The following SCAF11 variants were observed in gnomAD, a reference collection of about 807,000 sequenced individuals.
The protein encoded by SCAF11 is protein SCAF11.
In SCAF11, 47 loss-of-function variants were observed where a neutral mutation model predicts 140.5. The ratio of observed to expected loss-of-function variants is 0.33; its 90% CI spans 0.26 to 0.43. The LOEUF (loss-of-function observed/expected upper bound fraction) is 0.43, where lower values mean the gene tolerates loss of function less well. SCAF11 is among the 20% of genes least tolerant of loss of function. SCAF11 has a pLI of 1.00. For synonymous variants in SCAF11, 557 were observed against 579.4 expected, an observed-to-expected ratio of 0.96 and a Z score of 0.55; for missense variants, 1,645 against 1,705.1, an observed-to-expected ratio of 0.96 and a Z score of 0.62.
chr12:45,946,542 T>C (rs1016515913), intron 5 of SCAF11, among the ~76,000 whole-genome samples: 18 of 152,176 alleles, frequency 1.2e-4, no homozygotes, highest in African/African-American at 4.1e-4. Context: ...CGACTTTTGC[T>C]ATGTTAGACT....
At chr12:45,936,511 T>G (rs1326688054) in intron 6 of SCAF11, among the ~76,000 whole-genome samples, 1 of 152,160 alleles carries the variant, frequency 6.6e-6, no homozygotes, top group Non-Finnish European at 1.5e-5. Flanking sequence ...TTCCTTATTA[T>G]CCATCATTAA....
rs1435675179 is a variant in SCAF11, at chr12:45,920,812, TTAGA to T, written c.*1232_*1235del. ...AAGTGTGAAAATATTTCATCAGTGA[TTAGA>T]TAAACAACAACTTTACGCCAGTGCC... On this transcript the variant is annotated 3_prime_UTR_variant, in exon 15 of 15. Transcript: ENST00000369367. 2 of 152,482 alleles carry T rather than the reference TTAGA, an allele frequency of 1.3e-5. No homozygotes were observed. Among genetic ancestry groups the T allele is most frequent in the African/African-American group, 4.8e-5 (2 of 41,420 alleles). The allele number at this position is 152,482 out of a possible 1,614,324, so 9.4% of individuals were successfully genotyped here.
chr12:45,948,295 C>T (rs1444343339), intron 5 of SCAF11, 142 bp downstream of exon 5: 1 of 581,646 alleles, frequency 1.7e-6, no homozygotes, highest in Non-Finnish European at 3.0e-6. Flanking sequence ...TTCAGCTAGT[C>T]CCTCCTTAAA....
rs1394840982 is a variant in SCAF11, at chr12:45,927,484, A to G, written c.2217T>C (p.Ala739=). The G allele has an allele frequency of 6.2e-7, 1 of 1,613,792 alleles. No homozygotes were observed. The highest frequency in any genetic ancestry group is 1.7e-5 in the Admixed American group (1 of 59,992). ...NESEVEPSVN[A]DLKQMNENSV... is the part of the protein sequence containing the mutation. ...AATTTTCATTCATTTGTTTAAGATC[A>G]GCATTTACAGATGGTTCAACTTCAG... is the stretch of plus-strand genomic sequence containing the variant. The change falls in exon 11 of 15, where the codon GCT becomes GCC. Residue 739 remains alanine (A), a synonymous_variant. Coordinates refer to ENST00000369367, the MANE Select transcript of SCAF11 (RefSeq NM_004719.3).
At chr12:45,963,649 A>G (rs1945874770) in intron 2 of SCAF11, among the ~76,000 whole-genome samples, 1 of 152,174 alleles carries the variant, frequency 6.6e-6, no homozygotes, top group Non-Finnish European at 1.5e-5. Context: ...TGCATAAAAC[A>G]TCATCTAACT....
At chr12:45,964,257 C>T (rs2136619615) in intron 1 of SCAF11, 69 bp from the exon 2 acceptor site, 1 of 751,916 alleles carries the variant, frequency 1.3e-6, no homozygotes. Flanking sequence ...AAAAAAAAAT[C>T]CTAAACTGTA....
intron 10 of SCAF11, chr12:45,930,965 C>T (rs923315864): frequency 9.2e-5 from 14 of 152,088 alleles, no homozygotes; most frequent in African/African-American, 3.1e-4. Flanking sequence ...CAGTTAAAAC[C>T]TATGTTGTTC....
chr12:45,977,231 G>T lies in SCAF11; in HGVS notation c.-21-13043C>A, dbSNP rs1399265520. On this transcript the variant is annotated intron_variant, in intron 1 of 14. Transcript: ENST00000369367. ...GCTCCTCATCAAAACAAAAACTATG[G>T]TACATTCAATCATATAATGAAATAC... 2.0e-5 allele frequency among the ~76,000 whole-genome samples: 3 copies of T among 152,048 alleles called. No individual in the cohort carries two copies. In the East Asian group the frequency reaches 5.8e-4, roughly 29 times the overall value.
chr12:45,933,692 G>A (rs1410554816), intron 8 of SCAF11, among the ~76,000 whole-genome samples: 2 of 152,132 alleles, frequency 1.3e-5, no homozygotes, highest in Non-Finnish European at 2.9e-5. Context: ...ACCTTGCCAA[G>A]TTCTAAAATT....
At position 45,952,077 on chromosome 12, in the gene SCAF11, C is replaced by T. The variant is rs140152169; in HGVS notation, c.220-350G>A. Among the ~76,000 whole-genome samples, 51 of 152,120 alleles carry T rather than the reference C, an allele frequency of 3.4e-4. 1 individual carries two copies. The highest frequency in any genetic ancestry group is 1.2e-3 in the African/African-American group (50 of 41,490). The stretch of plus-strand genomic sequence containing the variant: ...AAACTTGGGCCACTCCAAATGGCTC[C>T]GAAAGGTTCCTCACAAATTTTAATA... On this transcript the variant is annotated intron_variant, in intron 3 of 14. Transcript: ENST00000369367.
chr12:45,934,543 T>C, intron 6 of SCAF11, 38 bp from the exon 7 acceptor site: 1 of 1,395,046 alleles, frequency 7.2e-7, no homozygotes, highest in South Asian at 1.5e-5. Context: ...TACCTTGTAT[T>C]AATTTTTATT....
intron 2 of SCAF11, among the ~76,000 whole-genome samples, chr12:45,963,504 T>C (rs540165005): frequency 6.6e-6 from 1 of 152,278 alleles, no homozygotes; most frequent in East Asian, 1.9e-4. Flanking sequence ...AAAACTATCT[T>C]TGAATAGTTT....
intron 4 of SCAF11, among the ~76,000 whole-genome samples, chr12:45,949,232 A>G (rs979637427): frequency 1.3e-5 from 2 of 152,188 alleles, no homozygotes; most frequent in African/African-American, 4.8e-5. Flanking sequence ...ATGCTGTCCA[A>G]GACAACAGTC....
At chr12:45,964,251 A>C in intron 1 of SCAF11, 63 bp from the exon 2 acceptor site, 1 of 774,606 alleles carries the variant, frequency 1.3e-6, no homozygotes, top group East Asian at 2.7e-5. Flanking sequence ...TCAATTAAAA[A>C]AAAATCCTAA....
At chr12:45,961,102 A>G in intron 3 of SCAF11, 1 of 517,480 alleles carries the variant, frequency 1.9e-6, no homozygotes, top group Non-Finnish European at 3.5e-6. Context: ...TAATATCTCT[A>G]ATTCAGACTC....
rs757945577 is a variant in SCAF11 at position 45,933,143 on chromosome 12, G to T, written c.722C>A (p.Pro241His). The T allele has an allele frequency of 1.9e-6, 3 of 1,607,342 alleles. No individual in the cohort carries two copies. The highest frequency in any genetic ancestry group is 2.7e-5 in the African/African-American group (2 of 74,748). ...LELSWFPDTLPGIGRIGFIPW... is the reference protein window; with the variant it reads ...LELSWFPDTLHGIGRIGFIPW... ...TTTTTATTTTTACCTTCCAATTCCAGGTAATGTATCAGGAAACCATGACAA... is the reference window on the plus strand; with the variant it reads ...TTTTTATTTTTACCTTCCAATTCCATGTAATGTATCAGGAAACCATGACAA... The change falls in exon 9 of 15, where the codon CCT (proline) becomes CAT (histidine). Residue 241 changes from proline to histidine, a missense_variant. By Grantham distance (77) the Pro-to-His change is moderately conservative. This residue lies in a region of SCAF11 where 1,582 missense variants were observed against 1,609.2 expected (regional missense o/e 0.98). Transcript: ENST00000369367.
upstream of SCAF11, among the ~76,000 whole-genome samples, chr12:45,990,946 C>T (rs992102482): frequency 6.6e-6 from 1 of 152,240 alleles, no homozygotes; most frequent in Non-Finnish European, 1.5e-5. Flanking sequence ...CTCTGCCCTC[C>T]TTTGGCAGTT....
chr12:45,947,604 G>C (rs796505793), intron 5 of SCAF11, among the ~76,000 whole-genome samples: 1 of 152,184 alleles, frequency 6.6e-6, no homozygotes, highest in Non-Finnish European at 1.5e-5. Context: ...AGTGTGGTAT[G>C]AGCACCAATG....
At chr12:45,948,615 T>C (rs961705516) in intron 4 of SCAF11, 78 bp from the exon 5 acceptor site, 1 of 871,732 alleles carries the variant, frequency 1.1e-6, no homozygotes, top group Admixed American at 2.5e-5. Context: ...TTGAAATGAT[T>C]AAAATTACAG....
Sources: gnomAD v4.1 joint callset for allele counts (sites outside exome capture counted in the v4.1 genomes callset) on GRCh38, gnomAD v4.1.1 for gene constraint, gnomAD v4.1.1 regional missense constraint, MANE v1.5 for transcripts, NCBI Gene and HGNC (gene_info 2026-07-23, HGNC 2026-07-21) for gene names.